ELMO1: variants seen among roughly 807,000 people sequenced by gnomAD.
ELMO1 encodes the protein engulfment and cell motility protein 1.
ELMO1 carries 26 observed loss-of-function variants against 98.9 expected under a neutral mutation model. The observed-to-expected ratio is 0.26, with a 90% CI of 0.19 to 0.36. The LOEUF (loss-of-function observed/expected upper bound fraction) is 0.36. Among genes scored for constraint, ELMO1 ranks in the 10% least tolerant of loss-of-function variants. The pLI, the probability that ELMO1 is intolerant of heterozygous loss-of-function variation, is 1.00. For missense variants in ELMO1, 627 were observed against 935.2 expected (o/e 0.67, Z 4.30); for synonymous variants, 346 against 346.0 (o/e 1.00, Z 0.00).
chr7:37,186,969 G>C (rs748586690), intron 13 of ELMO1, among the ~76,000 whole-genome samples: 28 of 152,290 alleles, frequency 1.8e-4, no homozygotes, highest in Non-Finnish European at 4.1e-4. Context: ...AGAACAAAGA[G>C]AAATGCAAAC....
At chr7:37,394,603 C>T (rs1199409505) in intron 1 of ELMO1, among the ~76,000 whole-genome samples, 2 of 152,140 alleles carry the variant, frequency 1.3e-5, no homozygotes, top group Admixed American at 1.3e-4. Context: ...GAAGTGTCTT[C>T]CAGAGCAGAG....
At chr7:36,913,019 A>C (rs1302808848) in intron 16 of ELMO1, among the ~76,000 whole-genome samples, 2 of 152,204 alleles carry the variant, frequency 1.3e-5, no homozygotes, top group Admixed American at 6.5e-5. Context: ...CTGAGGATCC[A>C]TCTCCAAAGC....
chr7:36,939,810 A>C (rs2129093605), intron 16 of ELMO1, among the ~76,000 whole-genome samples: 1 of 152,374 alleles, frequency 6.6e-6, no homozygotes, highest in Admixed American at 6.5e-5. Flanking sequence ...CAGAGGGGCC[A>C]AGTGGCTGGC....
chr7:37,311,514 G>A (rs976375871), intron 4 of ELMO1, among the ~76,000 whole-genome samples: 1 of 152,288 alleles, frequency 6.6e-6, no homozygotes, highest in African/African-American at 2.4e-5. Flanking sequence ...TAACCAAGAT[G>A]ATGCTAAGTA....
intron 10 of ELMO1, 82 bp from the exon 11 acceptor site, chr7:37,216,777 G>A: frequency 6.9e-7 from 1 of 1,449,050 alleles, no homozygotes; most frequent in Non-Finnish European, 9.7e-7. Flanking sequence ...CTTATCCTGG[G>A]GTGTGCTTCG....
At chr7:37,157,934 A>T (rs1788915408) in intron 13 of ELMO1, among the ~76,000 whole-genome samples, 1 of 152,228 alleles carries the variant, frequency 6.6e-6, no homozygotes. Flanking sequence ...CCAAAACAGC[A>T]TGGTACTGGT....
chr7:37,375,768 C>T, intron 1 of ELMO1: 2 of 1,052,336 alleles, frequency 1.9e-6, no homozygotes, highest in Non-Finnish European at 2.9e-6. Context: ...TCAGTGATTA[C>T]CTTCATCTGA....
chr7:37,185,425 A>G (rs982519185), intron 13 of ELMO1, among the ~76,000 whole-genome samples: 12 of 152,256 alleles, frequency 7.9e-5, no homozygotes, highest in Admixed American at 6.5e-4. Context: ...AAAAAATAAT[A>G]AATGAGTATT....
intron 13 of ELMO1, 48 bp from the exon 14 acceptor site, chr7:37,133,282 T>C: frequency 6.9e-7 from 1 of 1,458,008 alleles, no homozygotes; most frequent in Non-Finnish European, 9.5e-7. Flanking sequence ...CAGCAGATTT[T>C]ACCAACCACC....
At chr7:37,201,542 C>T (rs1045569009) in intron 13 of ELMO1, among the ~76,000 whole-genome samples, 11 of 152,186 alleles carry the variant, frequency 7.2e-5, no homozygotes, top group African/African-American at 2.7e-4. Context: ...AATAGGGGGG[C>T]CAGTTGCACA....
chr7:36,904,472 C>T (rs1783813762), intron 16 of ELMO1, among the ~76,000 whole-genome samples: 1 of 152,046 alleles, frequency 6.6e-6, no homozygotes, highest in South Asian at 2.1e-4. Flanking sequence ...TTGGTGTTAG[C>T]CCCCTAAATA....
At chr7:37,279,513 G>C (rs1797028932) in intron 4 of ELMO1, among the ~76,000 whole-genome samples, 1 of 152,146 alleles carries the variant, frequency 6.6e-6, no homozygotes, top group Admixed American at 6.5e-5. Flanking sequence ...TACTGTGAGT[G>C]CCCCAACTGT....
At chr7:37,099,567 C>T (rs1431904747) in intron 14 of ELMO1, among the ~76,000 whole-genome samples, 1 of 152,118 alleles carries the variant, frequency 6.6e-6, no homozygotes, top group Non-Finnish European at 1.5e-5. Context: ...GCTATTACCA[C>T]TCATCTTAGA....
intron 16 of ELMO1, among the ~76,000 whole-genome samples, chr7:36,919,634 C>A (rs1453573367): frequency 6.6e-6 from 1 of 152,118 alleles, no homozygotes; most frequent in Non-Finnish European, 1.5e-5. Flanking sequence ...AGGCTGCTGC[C>A]AATCAAAGTG....
At position 37,176,106 on chromosome 7, in the gene ELMO1, T is replaced by C. The variant is rs373462614; in HGVS notation, c.1086+35280A>G. ...GGATATAGCTGAGAATATGCTGTCA[T>C]TTACTAGAGATAATAATTTCAGTAT... is the stretch of plus-strand genomic sequence containing the variant. On this transcript the variant is annotated intron_variant, in intron 13 of 21. Coordinates refer to ENST00000310758, the MANE Select transcript of ELMO1 (RefSeq NM_014800.11). 9.9e-5 allele frequency among the ~76,000 whole-genome samples: 15 copies of C among 152,178 alleles called. No individual in the cohort carries two copies. In the East Asian group the frequency reaches 1.7e-3, roughly 18 times the overall value.
chr7:37,331,801 C>CA (rs1438704916), intron 2 of ELMO1, among the ~76,000 whole-genome samples: 2 of 152,090 alleles, frequency 1.3e-5, no homozygotes, highest in East Asian at 3.9e-4. Context: ...GTCTAAAAGA[C>CA]ACAACATGGT....
intron 5 of ELMO1, among the ~76,000 whole-genome samples, chr7:37,260,912 T>C (rs554407646): frequency 1.3e-5 from 2 of 152,320 alleles, no homozygotes; most frequent in South Asian, 4.1e-4. Flanking sequence ...GATATAGTAC[T>C]TTCCAAAATT....
intron 15 of ELMO1, among the ~76,000 whole-genome samples, chr7:37,019,519 T>C (rs1267785149): frequency 1.3e-5 from 2 of 152,220 alleles, no homozygotes; most frequent in African/African-American, 4.8e-5. Flanking sequence ...TCTCCCAGGC[T>C]ACACGTTTAT....
intron 16 of ELMO1, among the ~76,000 whole-genome samples, chr7:36,906,253 G>A (rs563573375): frequency 2.0e-5 from 3 of 152,294 alleles, no homozygotes; most frequent in Admixed American, 2.0e-4. Context: ...CCACAAAGTT[G>A]AACTTCAGAG....
Sources: gnomAD v4.1 joint callset for allele counts (sites outside exome capture counted in the v4.1 genomes callset) on GRCh38, gnomAD v4.1.1 for gene constraint, MANE v1.5 for transcripts, NCBI Gene and HGNC (gene_info 2026-07-23, HGNC 2026-07-21) for gene names.